The following PSMD14 variants were observed in gnomAD, a reference collection of about 807,000 sequenced individuals.
PSMD14 encodes the protein ubiquitin C-terminal hydrolase PSMD14.
A neutral mutation model predicts 41.2 loss-of-function variants in PSMD14; 7 were observed. The ratio of observed to expected loss-of-function variants is 0.17; its 90% CI spans 0.10 to 0.32. The LOEUF (loss-of-function observed/expected upper bound fraction) is 0.32. Ranked by LOEUF, PSMD14 falls within the 10% of genes least tolerant of loss-of-function variation. PSMD14 has a pLI of 1.00. For synonymous variants in PSMD14, 114 were observed against 122.3 expected, an observed-to-expected ratio of 0.93 and a Z score of 0.45; for missense variants, 139 against 375.6, an observed-to-expected ratio of 0.37 and a Z score of 5.21.
At chr2:161,364,817 C>T (rs1347985999) in intron 3 of PSMD14, among the ~76,000 whole-genome samples, 1 of 152,150 alleles carries the variant, frequency 6.6e-6, no homozygotes, top group Non-Finnish European at 1.5e-5. Context: ...AAAAACAGCA[C>T]TCATGGCTGG....
intron 1 of PSMD14, among the ~76,000 whole-genome samples, chr2:161,311,534 A>G (rs1238219150): frequency 1.3e-5 from 2 of 151,306 alleles, no homozygotes; most frequent in Non-Finnish European, 2.9e-5. Context: ...TGATTTTGGT[A>G]TCCTGGAACC....
At chr2:161,327,131 T>C (rs560327769) in intron 3 of PSMD14, among the ~76,000 whole-genome samples, 2 of 152,194 alleles carry the variant, frequency 1.3e-5, no homozygotes, top group Non-Finnish European at 2.9e-5. Flanking sequence ...ACAAATGTTA[T>C]ATGATTCCAC....
chr2:161,392,015 G>A (rs934154334), intron 9 of PSMD14, among the ~76,000 whole-genome samples: 8 of 152,132 alleles, frequency 5.3e-5, no homozygotes, highest in Admixed American at 4.6e-4. Context: ...TTTTATACCA[G>A]TTTTCAAGTT....
intron 9 of PSMD14, among the ~76,000 whole-genome samples, chr2:161,392,742 G>T (rs1390737469): frequency 1.3e-5 from 2 of 151,940 alleles, no homozygotes; most frequent in African/African-American, 4.8e-5. Flanking sequence ...GTTTACTTCT[G>T]CTGTGATAGA....
At chr2:161,410,427 G>A (rs1684008706) in intron 11 of PSMD14, among the ~76,000 whole-genome samples, 1 of 151,850 alleles carries the variant, frequency 6.6e-6, no homozygotes, top group Non-Finnish European at 1.5e-5. Context: ...ATAATCGTAA[G>A]AATATAATCA....
chr2:161,331,024 CT>C (rs1682782081), intron 3 of PSMD14, among the ~76,000 whole-genome samples: 1 of 152,126 alleles, frequency 6.6e-6, no homozygotes, highest in South Asian at 2.1e-4. Flanking sequence ...GTTCACCATT[CT>C]GTTTTATAGA....
chr2:161,364,464 T>C (rs1683332243), intron 3 of PSMD14, among the ~76,000 whole-genome samples: 1 of 152,118 alleles, frequency 6.6e-6, no homozygotes, highest in Admixed American at 6.6e-5. Context: ...GCAGGCCTGG[T>C]GGTGGTGCCT....
At chr2:161,341,423 C>G (rs148941703) in intron 3 of PSMD14, 1 of 477,246 alleles carries the variant, frequency 2.1e-6, no homozygotes, top group African/African-American at 2.1e-5. Flanking sequence ...TTTATATGTT[C>G]TGAATAGAAG....
intron 6 of PSMD14, 85 bp downstream of exon 6, chr2:161,370,262 C>A: frequency 9.4e-7 from 1 of 1,062,958 alleles, no homozygotes; most frequent in South Asian, 1.7e-5. Context: ...TTATCAATGT[C>A]ATTTCTAGAA....
At chr2:161,319,281 A>G (rs985534023) in intron 3 of PSMD14, among the ~76,000 whole-genome samples, 1 of 152,130 alleles carries the variant, frequency 6.6e-6, no homozygotes, top group Non-Finnish European at 1.5e-5. Flanking sequence ...TTATATGTAC[A>G]GTCTTAACAC....
chr2:161,402,875 C>T (rs1236407178), intron 10 of PSMD14, among the ~76,000 whole-genome samples: 1 of 151,936 alleles, frequency 6.6e-6, no homozygotes, highest in Non-Finnish European at 1.5e-5. Flanking sequence ...AAATCAAAAC[C>T]ACAATGGCTA....
chr2:161,310,694 C>A (rs1380359335), intron 1 of PSMD14, among the ~76,000 whole-genome samples: 2 of 152,182 alleles, frequency 1.3e-5, no homozygotes, highest in Non-Finnish European at 2.9e-5. Context: ...AACAGACTTG[C>A]AAAGTAGATG....
At chr2:161,364,051 T>G (rs188320879) in intron 3 of PSMD14, among the ~76,000 whole-genome samples, 35 of 152,234 alleles carry the variant, frequency 2.3e-4, no homozygotes, top group Admixed American at 9.8e-4. Flanking sequence ...AGTGCAAGGT[T>G]TTATTGAGTG....
intron 7 of PSMD14, among the ~76,000 whole-genome samples, chr2:161,378,799 A>G (rs1683536694): frequency 1.3e-5 from 2 of 152,040 alleles, no homozygotes; most frequent in South Asian, 2.1e-4. Context: ...TTCCTCATCC[A>G]TAAATTGATA....
chr2:161,371,090 C>G (rs944559673), intron 6 of PSMD14, 82 bp from the exon 7 acceptor site: 14 of 1,405,352 alleles, frequency 1.0e-5, no homozygotes, highest in Non-Finnish European at 1.3e-5. Flanking sequence ...TAATTTATAC[C>G]CCGTTAGTGT....
At position 161,405,661 on chromosome 2, in the gene PSMD14, TGAAA is replaced by T. The variant is rs1277339082; in HGVS notation, c.772-3172_772-3169del. 2.0e-5 allele frequency among the ~76,000 whole-genome samples: 3 copies of T among 152,178 alleles called. No homozygotes were observed. The East Asian group carries it at 5.8e-4, about 29-fold the overall frequency. On this transcript the variant is annotated intron_variant, in intron 10 of 11. Transcript: ENST00000409682. Reference sequence around the variant, plus strand: ...TATATAGTCAATACTTTAAAAATCATGAAAGAAGTAAAATACATATTTTTGAAAT... The same window carrying T: ...TATATAGTCAATACTTTAAAAATCATGAAGTAAAATACATATTTTTGAAAT...
chr2:161,311,316 GA>G lies in PSMD14; in HGVS notation c.-138+2722del, dbSNP rs935180286. ...AGAGCGAGACTCTGTCTCAAAAAAG[GA>G]AAAAAAAAATTGCATCTATATTGAA... On this transcript the variant is annotated intron_variant, in intron 1 of 11. Coordinates refer to ENST00000409682, the MANE Select transcript of PSMD14 (RefSeq NM_005805.6). 6.4e-3 allele frequency among the ~76,000 whole-genome samples: 936 copies of G among 146,746 alleles called. 9 individuals carry two copies. The highest frequency in any genetic ancestry group is 0.022 in the African/African-American group (887 of 40,142).
In PSMD14 at chr2:161,308,583, T is replaced by G. The variant is rs1490942008; in HGVS notation, c.-159T>G. Reference sequence around the variant, plus strand: ...CAAGACAAGGGTCCATATCGCGGCATCCGGCTCCCGCCCGTCTTCAGGTAA... The same window carrying G: ...CAAGACAAGGGTCCATATCGCGGCAGCCGGCTCCCGCCCGTCTTCAGGTAA... On this transcript the variant is annotated 5_prime_UTR_variant, in exon 1 of 12. Coordinates refer to ENST00000409682, the MANE Select transcript of PSMD14 (RefSeq NM_005805.6). 6.6e-6 allele frequency: 1 copy of G among 152,312 alleles called. No homozygotes were observed. Among genetic ancestry groups the G allele is most frequent in the Admixed American group, 6.5e-5 (1 of 15,284 alleles). The allele number at this position is 152,312 out of a possible 1,614,324, so 9.4% of individuals were successfully genotyped here.
At chr2:161,409,851 G>A (rs1312921032) in intron 11 of PSMD14, among the ~76,000 whole-genome samples, 3 of 151,948 alleles carry the variant, frequency 2.0e-5, no homozygotes, top group Non-Finnish European at 2.9e-5. Flanking sequence ...ATGAAATACA[G>A]TTCATTTTAT....
Sources: allele counts gnomAD v4.1 joint callset (sites outside exome capture counted in the v4.1 genomes callset), GRCh38; gene constraint gnomAD v4.1.1; transcripts MANE v1.5; gene names NCBI Gene and HGNC (gene_info 2026-07-23, HGNC 2026-07-21).